Variants in C12orf56 observed in about 807,000 individuals in gnomAD.
C12orf56 encodes uncharacterized protein C12orf56.
A neutral mutation model predicts 69.9 loss-of-function variants in C12orf56; 71 were observed. That is an observed-to-expected ratio of 1.02 (90% CI 0.84 to 1.24). The LOEUF (loss-of-function observed/expected upper bound fraction) is 1.24, where lower values mean the gene tolerates loss of function less well. Ranked by LOEUF, C12orf56 falls within the 50% of genes most tolerant of loss-of-function variation. C12orf56 has a pLI of 0.00. For missense variants in C12orf56, 732 were observed against 738.5 expected (o/e 0.99, Z 0.10); for synonymous variants, 276 against 274.1 (o/e 1.01, Z -0.07).
chr12:64,282,491 C>T (rs1298983918), intron 8 of C12orf56, among the ~76,000 whole-genome samples: 1 of 151,962 alleles, frequency 6.6e-6, no homozygotes, highest in Admixed American at 6.6e-5. Flanking sequence ...ACATAATATG[C>T]CGGCTTGGCA....
intron 8 of C12orf56, 82 bp downstream of exon 8, chr12:64,284,582 A>T: frequency 2.0e-6 from 2 of 988,362 alleles, no homozygotes; most frequent in Non-Finnish European, 3.0e-6. Flanking sequence ...AAGTTGGAGA[A>T]TTATGTGCTT....
chr12:64,293,040 G>A (rs1020116056), intron 6 of C12orf56, among the ~76,000 whole-genome samples: 1 of 152,054 alleles, frequency 6.6e-6, no homozygotes, highest in African/African-American at 2.4e-5. Flanking sequence ...CCAGGTGTGG[G>A]ATATAATCTC....
At chr12:64,271,756 T>C (rs962744663) in intron 11 of C12orf56, among the ~76,000 whole-genome samples, 1 of 152,206 alleles carries the variant, frequency 6.6e-6, no homozygotes, top group Non-Finnish European at 1.5e-5. Flanking sequence ...TGAGAGAGTC[T>C]GAGGCAGTAG....
intron 3 of C12orf56, among the ~76,000 whole-genome samples, chr12:64,325,361 T>TA (rs545375992): frequency 8.4e-6 from 1 of 118,702 alleles, no homozygotes; most frequent in African/African-American, 2.9e-5. Context: ...AGACCCTGTC[T>TA]AAAAAAAAAA....
At chr12:64,301,191 G>A (rs929073842) in intron 6 of C12orf56, among the ~76,000 whole-genome samples, 5 of 152,096 alleles carry the variant, frequency 3.3e-5, no homozygotes, top group South Asian at 2.1e-4. Flanking sequence ...CAACTGTTCC[G>A]GTACTGACTG....
chr12:64,330,403 T>C (rs2038914188), intron 3 of C12orf56, among the ~76,000 whole-genome samples: 1 of 152,190 alleles, frequency 6.6e-6, no homozygotes, highest in African/African-American at 2.4e-5. Context: ...TTCCTCCAAC[T>C]GCAGTGTCCC....
intron 1 of C12orf56, among the ~76,000 whole-genome samples, chr12:64,365,669 G>T (rs2039458105): frequency 1.4e-5 from 2 of 144,570 alleles, no homozygotes; most frequent in Non-Finnish European, 3.0e-5. Context: ...GGAGGCTCAG[G>T]TATATATAAT....
chr12:64,313,135 G>T lies in C12orf56; in HGVS notation c.895-383C>A, dbSNP rs2038641981. On this transcript the variant is annotated intron_variant, in intron 4 of 12. Transcript: ENST00000543942. ...AAATTAGCCGGGCATGGTGGCAGGT[G>T]CCTGTAGTCCCAGCTACTCGGGAGG... is the stretch of plus-strand genomic sequence containing the variant. Among the ~76,000 whole-genome samples, 4 of 151,460 alleles carry T rather than the reference G, an allele frequency of 2.6e-5. No individual in the cohort carries two copies. The South Asian group carries it at 6.3e-4, about 24-fold the overall frequency.
intron 2 of C12orf56, among the ~76,000 whole-genome samples, chr12:64,337,831 T>C (rs2039015873): frequency 7.5e-6 from 1 of 132,700 alleles, no homozygotes; most frequent in East Asian, 2.2e-4. Flanking sequence ...CACTCCAGCC[T>C]GGGTAACAGA....
Position 64,276,993 on chromosome 12 carries a change from T to TAAAAAAAAA in C12orf56, c.1434+678_1434+686dup, listed in dbSNP as rs200351319. 1.6e-3 allele frequency among the ~76,000 whole-genome samples: 108 copies of TAAAAAAAAA among 69,212 alleles called. 11 individuals carry two copies. The highest frequency in any genetic ancestry group is 3.2e-3 in the African/African-American group (56 of 17,388). The allele number at this position is 69,212 out of a possible 152,430, so 45.4% of individuals were successfully genotyped here. A position where few individuals can be genotyped will look rare whatever the true frequency, so the allele number is the denominator to read the frequency against. On this transcript the variant is annotated intron_variant, in intron 9 of 12. Transcript: ENST00000543942. Reference sequence around the variant, plus strand: ...TGGGCAACAGAGTGAAACCCTTTCTTAAAAAAAAAAAAAAAAAAAAAAATT... The same window carrying TAAAAAAAAA: ...TGGGCAACAGAGTGAAACCCTTTCTTAAAAAAAAAAAAAAAAAAAAAAAAAAAAAAAATT...
At chr12:64,272,561 G>A (rs5015816) in intron 11 of C12orf56, among the ~76,000 whole-genome samples, 106,372 of 151,212 alleles carry the variant, frequency 0.7, 38,611 homozygotes, top group Non-Finnish European at 0.8. Context: ...CATGGGAAAT[G>A]AAAGTAAAAA....
At chr12:64,387,570 G>A (rs2039811226) in intron 1 of C12orf56, among the ~76,000 whole-genome samples, 2 of 152,056 alleles carry the variant, frequency 1.3e-5, no homozygotes, top group South Asian at 4.1e-4. Flanking sequence ...GTAATGTAAT[G>A]CCAACACTTT....
At chr12:64,351,009 A>G (rs577098269) in intron 2 of C12orf56, among the ~76,000 whole-genome samples, 3 of 152,290 alleles carry the variant, frequency 2.0e-5, no homozygotes, top group Admixed American at 2.0e-4. Context: ...TTTTAGACTA[A>G]CCCTGTTTAT....
intron 1 of C12orf56, among the ~76,000 whole-genome samples, chr12:64,365,339 G>C (rs2039451240): frequency 6.6e-6 from 1 of 151,536 alleles, no homozygotes; most frequent in African/African-American, 2.4e-5. Context: ...TAATTTTTTT[G>C]TATTTTTAGT....
At chr12:64,280,861 G>T (rs1304328722) in intron 8 of C12orf56, among the ~76,000 whole-genome samples, 1 of 152,152 alleles carries the variant, frequency 6.6e-6, no homozygotes, top group Non-Finnish European at 1.5e-5. Context: ...GAGACCCTGG[G>T]CAAAGGATCC....
In C12orf56 at chr12:64,267,115, C is replaced by T. The variant is rs1435826271; in HGVS notation, c.*68G>A. 2.0e-5 allele frequency: 23 copies of T among 1,175,604 alleles called. No individual in the cohort carries two copies. Among genetic ancestry groups the T allele is most frequent in the East Asian group, 7.9e-5 (3 of 38,102 alleles). 72.8% of individuals were successfully genotyped at this position (1,175,604 alleles called of 1,614,324 possible). On this transcript the variant is annotated 3_prime_UTR_variant, in exon 13 of 13. Coordinates refer to ENST00000543942, the MANE Select transcript of C12orf56 (RefSeq NM_001170633.2). ...ATTAAACAAATAAAAAAATGTTTCT[C>T]GTGAATATCAAGTTGACTCTTGATT...
intron 2 of C12orf56, among the ~76,000 whole-genome samples, chr12:64,349,314 A>G (rs1029470555): frequency 6.6e-6 from 1 of 152,208 alleles, no homozygotes; most frequent in Non-Finnish European, 1.5e-5. Context: ...CAAAACCACA[A>G]TGCAATACCA....
intron 2 of C12orf56, among the ~76,000 whole-genome samples, chr12:64,337,663 A>C (rs61931511): frequency 0.27 from 40,378 of 151,794 alleles, 5,801 homozygotes; most frequent in Admixed American, 0.37. Flanking sequence ...TTGAGACCAG[A>C]CTGGCCAACA....
At chr12:64,284,622 G>T in intron 8 of C12orf56, 42 bp downstream of exon 8, 1 of 1,400,970 alleles carries the variant, frequency 7.1e-7, no homozygotes, top group Non-Finnish European at 9.8e-7. Context: ...ATAGTTAATG[G>T]GTTGCAACTA....
Sources: gnomAD v4.1 joint callset for allele counts (sites outside exome capture counted in the v4.1 genomes callset) on GRCh38, gnomAD v4.1.1 for gene constraint, MANE v1.5 for transcripts, NCBI Gene and HGNC (gene_info 2026-07-23, HGNC 2026-07-21) for gene names.